Variants in CELF2 observed in about 807,000 individuals in gnomAD.
CELF2 encodes the protein CUG triplet repeat RNA-binding protein 2.
CELF2 carries 8 observed loss-of-function variants against 62.6 expected under a neutral mutation model. The ratio of observed to expected loss-of-function variants is 0.13; its 90% CI spans 0.07 to 0.23. The LOEUF is 0.23. CELF2 is among the 10% of genes least tolerant of loss of function. The pLI, the probability that CELF2 is intolerant of heterozygous loss-of-function variation, is 1.00. For synonymous variants in CELF2, 258 were observed against 250.0 expected, an observed-to-expected ratio of 1.03 and a Z score of -0.30; for missense variants, 333 against 671.0, an observed-to-expected ratio of 0.50 and a Z score of 5.56.
intron 1 of CELF2, among the ~76,000 whole-genome samples, chr10:10,825,426 G>C (rs2057312291): frequency 6.6e-6 from 1 of 152,086 alleles, no homozygotes; most frequent in African/African-American, 2.4e-5. Context: ...TAGCCAGGCT[G>C]GTCTTGATTT....
intron 3 of CELF2, among the ~76,000 whole-genome samples, chr10:11,222,763 A>G (rs2065249523): frequency 6.6e-6 from 1 of 152,258 alleles, no homozygotes; most frequent in Non-Finnish European, 1.5e-5. Flanking sequence ...AAATATTTCC[A>G]AAGGCCTACA....
the CELF2 span, among the ~76,000 whole-genome samples, chr10:10,502,163 G>T: frequency 4.8e-3 from 729 of 151,802 alleles, 6 homozygotes; most frequent in African/African-American, 0.017. Context: ...TCTATTTGTC[G>T]TGTTTTATTA....
chr10:11,228,718 C>CAAAAAAAAAAA (rs56167230), intron 3 of CELF2, among the ~76,000 whole-genome samples: 1 of 135,166 alleles, frequency 7.4e-6, no homozygotes, highest in African/African-American at 2.9e-5. Context: ...GCGCCCCTCG[C>CAAAAAAAAAAA]AAAAAAAAAA....
intron 1 of CELF2, among the ~76,000 whole-genome samples, chr10:11,023,762 C>T (rs1040677704): frequency 1.5e-4 from 23 of 152,146 alleles, no homozygotes; most frequent in Non-Finnish European, 1.8e-4. Flanking sequence ...GCCTTGTGAG[C>T]GTATTTGAGA....
intron 9 of CELF2, among the ~76,000 whole-genome samples, chr10:11,301,175 T>C (rs536404180): frequency 2.1e-4 from 32 of 152,236 alleles, no homozygotes; most frequent in African/African-American, 7.7e-4. Flanking sequence ...ATGTGAGAGA[T>C]GGATAAGCCC....
chr10:11,329,246 G>A lies in CELF2; in HGVS notation c.*193G>A. Reference sequence around the variant, plus strand: ...CCAGTTTGCCATAATTAAAACTTGGGCTACTTTGTTTCTATTGAGTAATTC... The same window carrying A: ...CCAGTTTGCCATAATTAAAACTTGGACTACTTTGTTTCTATTGAGTAATTC... On this transcript the variant is annotated 3_prime_UTR_variant, in exon 13 of 13. Transcript: ENST00000633077. This position sits in a 1 kb window ranked among gnomAD's most constrained non-coding sequence, Gnocchi z 5.5. The A allele has an allele frequency of 2.3e-6, 1 of 432,102 alleles. No homozygotes were observed. Among genetic ancestry groups the A allele is most frequent in the Non-Finnish European group, 4.0e-6 (1 of 252,610 alleles). 26.8% of individuals were successfully genotyped at this position (432,102 alleles called of 1,614,324 possible).
chr10:10,475,325 C>G, the CELF2 span, among the ~76,000 whole-genome samples: 4 of 152,070 alleles, frequency 2.6e-5, no homozygotes, highest in South Asian at 8.3e-4. Flanking sequence ...CATCCCATGT[C>G]CCCTGAAACT....
intron 1 of CELF2, among the ~76,000 whole-genome samples, chr10:10,847,256 G>A (rs2059075725): frequency 6.6e-6 from 1 of 151,958 alleles, no homozygotes; most frequent in Non-Finnish European, 1.5e-5. Flanking sequence ...AGGATGAAAT[G>A]GCCTACATTA....
At chr10:10,647,376 G>A in the CELF2 span, among the ~76,000 whole-genome samples, 6 of 152,276 alleles carry the variant, frequency 3.9e-5, no homozygotes, top group African/African-American at 9.6e-5. Context: ...CATAAAAGCC[G>A]TTTTAGATTT....
At chr10:11,007,706 C>T (rs930461944) in intron 1 of CELF2, among the ~76,000 whole-genome samples, 6 of 152,118 alleles carry the variant, frequency 3.9e-5, no homozygotes, top group Non-Finnish European at 7.3e-5. Context: ...CAGCACACTC[C>T]GATTCTGCTT....
At chr10:11,170,524 A>G (rs909801755) in intron 2 of CELF2, among the ~76,000 whole-genome samples, 1 of 152,122 alleles carries the variant, frequency 6.6e-6, no homozygotes, top group Non-Finnish European at 1.5e-5. Flanking sequence ...TGAGTGAGGA[A>G]AGATACAGAG....
chr10:10,523,916 G>A, the CELF2 span, among the ~76,000 whole-genome samples: 2 of 152,206 alleles, frequency 1.3e-5, no homozygotes, highest in Non-Finnish European at 2.9e-5. Context: ...TCTTAAGCCT[G>A]TGAATGGCAC....
intron 2 of CELF2, chr10:10,946,065 C>G (rs150458443): frequency 6.6e-6 from 1 of 152,628 alleles, no homozygotes; most frequent in African/African-American, 2.4e-5. Context: ...GGAACTGGCA[C>G]GTAGCTGCGA....
chr10:10,932,403 T>C (rs189620471), intron 2 of CELF2, among the ~76,000 whole-genome samples: 88 of 152,294 alleles, frequency 5.8e-4, no homozygotes, highest in African/African-American at 2.0e-3. Flanking sequence ...TTTTAAATGT[T>C]CTCATCACAA....
At chr10:11,086,251 T>G (rs544055677) in intron 1 of CELF2, among the ~76,000 whole-genome samples, 1 of 152,162 alleles carries the variant, frequency 6.6e-6, no homozygotes, top group East Asian at 1.9e-4. Context: ...ATCTCCCCAG[T>G]TGAGCAGGTG....
At chr10:11,142,581 G>A (rs2061530465) in intron 1 of CELF2, among the ~76,000 whole-genome samples, 1 of 151,840 alleles carries the variant, frequency 6.6e-6, no homozygotes, top group African/African-American at 2.4e-5. Context: ...CTACTCGGGA[G>A]GCTGAGGCAG....
intron 1 of CELF2, among the ~76,000 whole-genome samples, chr10:11,082,316 G>A (rs370527195): frequency 5.6e-4 from 85 of 152,316 alleles, no homozygotes; most frequent in African/African-American, 2.0e-3. Context: ...ACTTTGTTTC[G>A]TTGCAGTGAT....
At chr10:10,818,829 C>G (rs997033646) in intron 1 of CELF2, among the ~76,000 whole-genome samples, 1 of 152,122 alleles carries the variant, frequency 6.6e-6, no homozygotes, top group Non-Finnish European at 1.5e-5. Flanking sequence ...CTGCCTGCCT[C>G]GGCCTCCCAA....
At chr10:10,559,424 T>C in the CELF2 span, among the ~76,000 whole-genome samples, 4 of 152,216 alleles carry the variant, frequency 2.6e-5, no homozygotes, top group Admixed American at 6.5e-5. Flanking sequence ...TTACAAGGGT[T>C]CTGGATAATC....
Sources: allele counts gnomAD v4.1 joint callset (sites outside exome capture counted in the v4.1 genomes callset), GRCh38; gene constraint gnomAD v4.1.1; non-coding constraint Gnocchi (gnomAD v3.1); transcripts MANE v1.5; gene names NCBI Gene and HGNC (gene_info 2026-07-23, HGNC 2026-07-21).